STMN2: variants seen among roughly 807,000 people sequenced by gnomAD.
STMN2 encodes the protein stathmin 2.
A neutral mutation model predicts 24.1 loss-of-function variants in STMN2; 2 were observed. That is an observed-to-expected ratio of 0.08 (90% CI 0.03 to 0.26). STMN2 has a LOEUF of 0.26. Ranked by LOEUF, STMN2 falls within the 10% of genes least tolerant of loss-of-function variation. The pLI is 1.00. For missense variants in STMN2, 114 were observed against 213.6 expected, an observed-to-expected ratio of 0.53 and a Z score of 2.91; for synonymous variants, 83 against 77.5, an observed-to-expected ratio of 1.07 and a Z score of -0.37.
At chr8:79,631,352 A>G (rs1809798249) in intron 1 of STMN2, 1 of 835,816 alleles carries the variant, frequency 1.2e-6, no homozygotes, top group South Asian at 5.5e-5. Flanking sequence ...TTCCCATAGA[A>G]AAACTATAAT....
Position 79,664,960 on chromosome 8 carries a change from G to T in STMN2, c.*86G>T. The T allele has an allele frequency of 4.0e-5, 40 of 1,005,212 alleles. No homozygotes were observed. Among genetic ancestry groups the T allele is most frequent in the Non-Finnish European group, 5.1e-5 (37 of 726,746 alleles). 62.3% of individuals were successfully genotyped at this position (1,005,212 alleles called of 1,614,324 possible). On this transcript the variant is annotated 3_prime_UTR_variant, in exon 5 of 5. Transcript: ENST00000220876. ...ATCATGCGATATCAGGATGGGGAAT[G>T]TATGACATGGTTTAAAAAGAACTCA...
intron 4 of STMN2, among the ~76,000 whole-genome samples, chr8:79,661,214 T>A (rs1806494259): frequency 6.6e-6 from 1 of 152,132 alleles, no homozygotes; most frequent in Admixed American, 6.6e-5. Context: ...CAGTTCTTTA[T>A]GTTTTCCACA....
chr8:79,655,109 A>G (rs775439468), intron 4 of STMN2, 47 bp downstream of exon 4: 2 of 1,590,222 alleles, frequency 1.3e-6, no homozygotes, highest in Admixed American at 1.7e-5. Flanking sequence ...CATATGCAGC[A>G]CAGCTGGGTG....
intron 4 of STMN2, among the ~76,000 whole-genome samples, chr8:79,664,408 C>T (rs1027674247): frequency 1.3e-5 from 2 of 152,158 alleles, no homozygotes; most frequent in African/African-American, 4.8e-5. Context: ...AGAAAGTCTT[C>T]GTCCTGGATC....
intron 3 of STMN2, among the ~76,000 whole-genome samples, chr8:79,641,908 A>G (rs1456741698): frequency 6.6e-6 from 1 of 152,152 alleles, no homozygotes; most frequent in African/African-American, 2.4e-5. Context: ...AGCACTGTAG[A>G]GAAAACACAG....
intron 3 of STMN2, among the ~76,000 whole-genome samples, chr8:79,652,136 A>C (rs1403308879): frequency 6.6e-6 from 1 of 152,198 alleles, no homozygotes; most frequent in Non-Finnish European, 1.5e-5. Context: ...CACTTAGAGA[A>C]TGTTGAAGTT....
At chr8:79,621,354 T>C (rs1286514212) in intron 1 of STMN2, among the ~76,000 whole-genome samples, 1 of 152,206 alleles carries the variant, frequency 6.6e-6, no homozygotes, top group African/African-American at 2.4e-5. Flanking sequence ...TAAATACCCA[T>C]GTGCATGCAT....
At chr8:79,629,491 A>T (rs901643983) in intron 1 of STMN2, among the ~76,000 whole-genome samples, 14 of 152,208 alleles carry the variant, frequency 9.2e-5, no homozygotes, top group African/African-American at 3.1e-4. Flanking sequence ...TTGTGAATGA[A>T]TGGCTAAAAT....
intron 2 of STMN2, among the ~76,000 whole-genome samples, chr8:79,639,714 A>T (rs147150718): frequency 6.6e-6 from 1 of 152,256 alleles, no homozygotes; most frequent in East Asian, 1.9e-4. Context: ...AATTGACAAA[A>T]ATTGTATATG....
At chr8:79,635,613 G>A (rs997618248) in intron 1 of STMN2, among the ~76,000 whole-genome samples, 1 of 152,176 alleles carries the variant, frequency 6.6e-6, no homozygotes, top group African/African-American at 2.4e-5. Flanking sequence ...CTGCAACATG[G>A]ATGCAGTTGG....
At chr8:79,614,477 C>T (rs757956270) in intron 1 of STMN2, among the ~76,000 whole-genome samples, 1 of 152,172 alleles carries the variant, frequency 6.6e-6, no homozygotes, top group Non-Finnish European at 1.5e-5. Flanking sequence ...ATCAATTAAT[C>T]TCATGTATTT....
chr8:79,613,124 C>G (rs1018467638), intron 1 of STMN2, among the ~76,000 whole-genome samples: 3 of 152,136 alleles, frequency 2.0e-5, no homozygotes, highest in African/African-American at 7.2e-5. Flanking sequence ...CCACGGTCCG[C>G]GGAGCTCGGG....
intron 1 of STMN2, among the ~76,000 whole-genome samples, chr8:79,619,733 T>C (rs978642591): frequency 1.3e-5 from 2 of 152,218 alleles, no homozygotes; most frequent in African/African-American, 4.8e-5. Flanking sequence ...TATTTAAGTC[T>C]TACAGCTTTA....
chr8:79,662,578 T>C (rs1806525632), intron 4 of STMN2, among the ~76,000 whole-genome samples: 1 of 152,142 alleles, frequency 6.6e-6, no homozygotes, highest in Non-Finnish European at 1.5e-5. Flanking sequence ...GTTCAAATAA[T>C]AGAGTGACTA....
chr8:79,633,082 G>A (rs1809852669), intron 1 of STMN2, among the ~76,000 whole-genome samples: 1 of 152,080 alleles, frequency 6.6e-6, no homozygotes, highest in Non-Finnish European at 1.5e-5. Flanking sequence ...TGTGTCTTAA[G>A]TTTGTTTCCC....
At chr8:79,641,628 GCACACACACACACACACACACA>G (rs61386841) in intron 3 of STMN2, 78 bp downstream of exon 3, 20 of 431,692 alleles carry the variant, frequency 4.6e-5, no homozygotes, top group South Asian at 1.5e-4. Flanking sequence ...ACACATGCAC[GCACACACACACACACACACACA>G]CACACACACA....
At chr8:79,631,164 T>G (rs1343477537) in intron 1 of STMN2, among the ~76,000 whole-genome samples, 1 of 152,188 alleles carries the variant, frequency 6.6e-6, no homozygotes, top group Non-Finnish European at 1.5e-5. Context: ...CTGCTTTTAT[T>G]ACAATTTTGA....
At position 79,611,227 on chromosome 8, in the gene STMN2, G is replaced by C; in HGVS notation, c.19+13G>C. On this transcript the variant is annotated intron_variant, in intron 1 of 4. Coordinates refer to ENST00000220876, the MANE Select transcript of STMN2 (RefSeq NM_007029.4). Reference sequence around the variant, plus strand: ...AAAACAGCAATGGGTAAGGCACTGCGCCTCGTTCTCCGTCGGCTCTACCTG... The same window carrying C: ...AAAACAGCAATGGGTAAGGCACTGCCCCTCGTTCTCCGTCGGCTCTACCTG... 1.2e-6 allele frequency: 2 copies of C among 1,613,958 alleles called. No individual in the cohort carries two copies. Among genetic ancestry groups the C allele is most frequent in the Non-Finnish European group, 1.7e-6 (2 of 1,180,010 alleles).
chr8:79,655,464 TA>T (rs1366194496), intron 4 of STMN2, among the ~76,000 whole-genome samples: 1 of 151,846 alleles, frequency 6.6e-6, no homozygotes, highest in African/African-American at 2.4e-5. Context: ...TATATGACAT[TA>T]AATATATATT....
Sources: gnomAD v4.1 joint callset for allele counts (sites outside exome capture counted in the v4.1 genomes callset) on GRCh38, gnomAD v4.1.1 for gene constraint, MANE v1.5 for transcripts, NCBI Gene and HGNC (gene_info 2026-07-23, HGNC 2026-07-21) for gene names.